Variants in AUTS2 observed in about 807,000 individuals in gnomAD.
AUTS2 encodes the protein activator of transcription and developmental regulator AUTS2.
Under a neutral mutation model 112.4 loss-of-function variants are expected in AUTS2, and 17 were observed. The ratio of observed to expected loss-of-function variants is 0.15; its 90% CI spans 0.10 to 0.23. The LOEUF (loss-of-function observed/expected upper bound fraction) is 0.23, where lower values mean the gene tolerates loss of function less well. Ranked by LOEUF, AUTS2 falls within the 10% of genes least tolerant of loss-of-function variation. AUTS2 has a pLI of 1.00. For synonymous variants in AUTS2, 751 were observed against 702.7 expected, an observed-to-expected ratio of 1.07 and a Z score of -1.09; for missense variants, 1,510 against 1,701.6, an observed-to-expected ratio of 0.89 and a Z score of 1.98.
At chr7:70,116,252 C>G (rs1244375343) in intron 2 of AUTS2, among the ~76,000 whole-genome samples, 1 of 152,026 alleles carries the variant, frequency 6.6e-6, no homozygotes, top group Non-Finnish European at 1.5e-5. Context: ...GAAGGCTTCC[C>G]GGAGAAAGGG....
chr7:70,751,041 A>G (rs976488221), intron 6 of AUTS2, among the ~76,000 whole-genome samples: 7 of 152,210 alleles, frequency 4.6e-5, no homozygotes, highest in African/African-American at 1.7e-4. Flanking sequence ...GCCCCATTAT[A>G]TCACAGACAT....
intron 5 of AUTS2, among the ~76,000 whole-genome samples, chr7:70,459,795 C>T (rs1371942172): frequency 6.6e-6 from 1 of 152,172 alleles, no homozygotes; most frequent in Non-Finnish European, 1.5e-5. Flanking sequence ...CCTGGATGAA[C>T]TGCACTGTAG....
At chr7:70,714,237 T>C (rs1810227992) in intron 6 of AUTS2, among the ~76,000 whole-genome samples, 2 of 152,200 alleles carry the variant, frequency 1.3e-5, no homozygotes, top group South Asian at 4.1e-4. Flanking sequence ...AATGTAGAAA[T>C]GAACCCCCAT....
intron 4 of AUTS2, among the ~76,000 whole-genome samples, chr7:70,317,449 A>G (rs1177891942): frequency 6.6e-6 from 1 of 152,194 alleles, no homozygotes; most frequent in East Asian, 1.9e-4. Flanking sequence ...TCCCATTTTA[A>G]ACACTTCATG....
chr7:70,084,841 T>TA (rs201827158), intron 2 of AUTS2, among the ~76,000 whole-genome samples: 2,372 of 152,280 alleles, frequency 0.016, 34 homozygotes, highest in Middle Eastern at 0.031. Flanking sequence ...AACAGCGTCT[T>TA]ACAAGATAAG....
chr7:69,933,069 A>T (rs1191953926), intron 2 of AUTS2, among the ~76,000 whole-genome samples: 2 of 152,234 alleles, frequency 1.3e-5, no homozygotes, highest in South Asian at 4.1e-4. Context: ...TGGTGTGTTC[A>T]GTGTGTAATT....
chr7:70,396,522 G>A (rs1227634534), intron 4 of AUTS2, among the ~76,000 whole-genome samples: 3 of 152,040 alleles, frequency 2.0e-5, no homozygotes, highest in African/African-American at 7.2e-5. Context: ...GATTACAGGT[G>A]TATACCACCA....
chr7:70,305,603 C>T (rs532816155), intron 4 of AUTS2, among the ~76,000 whole-genome samples: 1 of 152,034 alleles, frequency 6.6e-6, no homozygotes, highest in South Asian at 2.1e-4. Flanking sequence ...AACAATTAGC[C>T]AATTAATTAA....
chr7:70,648,194 G>A (rs925961166), intron 5 of AUTS2, among the ~76,000 whole-genome samples: 5 of 152,170 alleles, frequency 3.3e-5, no homozygotes, highest in African/African-American at 1.2e-4. Flanking sequence ...CTAGGCCCAG[G>A]ATGAATGTGA....
chr7:70,724,230 T>A (rs1786873993), intron 6 of AUTS2, among the ~76,000 whole-genome samples: 1 of 152,124 alleles, frequency 6.6e-6, no homozygotes, highest in Non-Finnish European at 1.5e-5. Context: ...GCTGTGATTT[T>A]GCAGGCACAT....
chr7:70,582,803 G>T (rs1289890917), intron 5 of AUTS2, among the ~76,000 whole-genome samples: 1 of 152,016 alleles, frequency 6.6e-6, no homozygotes, highest in Non-Finnish European at 1.5e-5. Flanking sequence ...TTTCACTTTT[G>T]TTCATATTGT....
rs375050485 is a variant in AUTS2 at position 70,098,868 on chromosome 7, A to G, written c.523-19264A>G. Reference sequence around the variant, plus strand: ...CAAGCGTGCGCCATCACGCCCAGCTAATTTTTTATTTTTAGTAGAGATGGG... The same window carrying G: ...CAAGCGTGCGCCATCACGCCCAGCTGATTTTTTATTTTTAGTAGAGATGGG... On this transcript the variant is annotated intron_variant, in intron 2 of 18. Coordinates refer to ENST00000342771, the MANE Select transcript of AUTS2 (RefSeq NM_015570.4). Among the ~76,000 whole-genome samples the G allele has an allele frequency of 1.2e-4, 18 of 152,012 alleles. No individual in the cohort carries two copies. The East Asian group carries it at 3.3e-3, about 28-fold the overall frequency.
chr7:70,129,902 T>TA (rs1562722581), intron 3 of AUTS2, among the ~76,000 whole-genome samples: 5 of 73,408 alleles, frequency 6.8e-5, no homozygotes, highest in African/African-American at 3.6e-4. Flanking sequence ...ATATATATAT[T>TA]GTGTGTGTGT....
chr7:70,745,764 A>T (rs1430826024), intron 6 of AUTS2, among the ~76,000 whole-genome samples: 2 of 152,180 alleles, frequency 1.3e-5, no homozygotes, highest in East Asian at 3.8e-4. Flanking sequence ...CATTAGTTTT[A>T]TTGTATATTG....
At chr7:70,592,983 G>A (rs1161654778) in intron 5 of AUTS2, among the ~76,000 whole-genome samples, 3 of 152,060 alleles carry the variant, frequency 2.0e-5, no homozygotes, top group African/African-American at 7.2e-5. Flanking sequence ...CTGAGTAGCT[G>A]GGACTACGGG....
intron 4 of AUTS2, among the ~76,000 whole-genome samples, chr7:70,331,799 A>C (rs1012768218): frequency 1.3e-5 from 2 of 152,208 alleles, no homozygotes; most frequent in African/African-American, 4.8e-5. Context: ...TCAATAAACT[A>C]GGTATTGATT....
At chr7:70,476,849 G>A (rs1440162321) in intron 5 of AUTS2, among the ~76,000 whole-genome samples, 1 of 152,218 alleles carries the variant, frequency 6.6e-6, no homozygotes, top group Non-Finnish European at 1.5e-5. Flanking sequence ...AGTGAACTGT[G>A]ATTGTGGTGA....
chr7:70,306,428 T>A (rs1789497043), intron 4 of AUTS2, among the ~76,000 whole-genome samples: 1 of 152,250 alleles, frequency 6.6e-6, no homozygotes, highest in African/African-American at 2.4e-5. Flanking sequence ...TCTTCTTTAG[T>A]TGGGCATGAC....
intron 2 of AUTS2, among the ~76,000 whole-genome samples, chr7:69,912,993 T>C (rs1193417842): frequency 6.6e-6 from 1 of 151,934 alleles, no homozygotes; most frequent in African/African-American, 2.4e-5. Flanking sequence ...TGAAGCCTCT[T>C]AGTATAGGAC....
Sources: gnomAD v4.1 joint callset for allele counts (sites outside exome capture counted in the v4.1 genomes callset) on GRCh38, gnomAD v4.1.1 for gene constraint, MANE v1.5 for transcripts, NCBI Gene and HGNC (gene_info 2026-07-23, HGNC 2026-07-21) for gene names.